Variants in CMC1 observed in about 807,000 individuals in gnomAD.
The protein encoded by CMC1 is COX assembly mitochondrial protein homolog.
A neutral mutation model predicts 14.1 loss-of-function variants in CMC1; 14 were observed. That is an observed-to-expected ratio of 0.99 (90% CI 0.66 to 1.55). The LOEUF (loss-of-function observed/expected upper bound fraction) is 1.55, where lower values mean the gene tolerates loss of function less well. Among genes scored for constraint, CMC1 ranks in the 40% most tolerant of loss-of-function variants. CMC1 has a pLI of 0.00. For missense variants in CMC1, 127 were observed against 123.8 expected, an observed-to-expected ratio of 1.03 and a Z score of -0.12; for synonymous variants, 50 against 38.4, an observed-to-expected ratio of 1.30 and a Z score of -1.12.
At chr3:28,270,123 T>G (rs1006430282) in intron 2 of CMC1, among the ~76,000 whole-genome samples, 2 of 152,202 alleles carry the variant, frequency 1.3e-5, no homozygotes, top group Non-Finnish European at 2.9e-5. Flanking sequence ...TATTCCATGG[T>G]GTATATGTGC....
intron 2 of CMC1, among the ~76,000 whole-genome samples, chr3:28,279,086 C>G (rs953217154): frequency 6.6e-6 from 1 of 152,122 alleles, no homozygotes; most frequent in Non-Finnish European, 1.5e-5. Flanking sequence ...CTACTATAAC[C>G]TATGAACAAA....
intron 2 of CMC1, among the ~76,000 whole-genome samples, chr3:28,275,623 C>T (rs1483491646): frequency 2.0e-5 from 3 of 152,136 alleles, no homozygotes; most frequent in Admixed American, 1.3e-4. Context: ...TTTAACAAAG[C>T]ACTCTGGCTG....
chr3:28,316,591 TGAAA>T (rs1213777165), intron 3 of CMC1, 168 bp downstream of exon 3: 16 of 399,422 alleles, frequency 4.0e-5, no homozygotes, highest in Middle Eastern at 6.2e-4. Context: ...AACATATTTA[TGAAA>T]GAGTCTTTTC....
At chr3:28,287,269 A>T (rs1286672934) in intron 2 of CMC1, among the ~76,000 whole-genome samples, 1 of 152,028 alleles carries the variant, frequency 6.6e-6, no homozygotes, top group Non-Finnish European at 1.5e-5. Context: ...AGCACCTTTG[A>T]CTGGCATCTT....
chr3:28,308,739 C>T (rs1378415645), intron 2 of CMC1, among the ~76,000 whole-genome samples: 1 of 152,128 alleles, frequency 6.6e-6, no homozygotes, highest in Non-Finnish European at 1.5e-5. Context: ...AATCCCAGCA[C>T]TTTGGGAGGC....
intron 1 of CMC1, among the ~76,000 whole-genome samples, chr3:28,244,952 G>GT (rs397973045): frequency 0.25 from 35,179 of 139,668 alleles, 4,331 homozygotes; most frequent in Middle Eastern, 0.33. Flanking sequence ...ATGGAAGCCA[G>GT]TTTTTTTTTT....
intron 1 of CMC1, among the ~76,000 whole-genome samples, chr3:28,253,098 T>C (rs1322105270): frequency 6.6e-6 from 1 of 152,202 alleles, no homozygotes; most frequent in African/African-American, 2.4e-5. Context: ...ATGAACAAAC[T>C]GGCAAGAGGA....
chr3:28,319,419 C>A, intron 3 of CMC1, 90 bp from the exon 4 acceptor site: 2 of 1,139,694 alleles, frequency 1.8e-6, no homozygotes, highest in Non-Finnish European at 2.6e-6. Flanking sequence ...CCTGATGAAC[C>A]AGATGTCTGA....
chr3:28,267,022 G>A (rs1700037225), intron 2 of CMC1, among the ~76,000 whole-genome samples: 1 of 152,120 alleles, frequency 6.6e-6, no homozygotes, highest in Non-Finnish European at 1.5e-5. Flanking sequence ...CCCACCAACT[G>A]TAATGATGAA....
chr3:28,267,549 T>G (rs1283522668), intron 2 of CMC1, among the ~76,000 whole-genome samples: 1 of 152,182 alleles, frequency 6.6e-6, no homozygotes, highest in Non-Finnish European at 1.5e-5. Flanking sequence ...TATGTTGCAG[T>G]CTTTATGATC....
chr3:28,258,247 A>C (rs984119818), intron 1 of CMC1, among the ~76,000 whole-genome samples: 2 of 151,262 alleles, frequency 1.3e-5, no homozygotes, highest in African/African-American at 4.8e-5. Context: ...GGTCTGTGGC[A>C]TGCCTTTTTA....
chr3:28,250,547 C>G (rs984591010), intron 1 of CMC1, among the ~76,000 whole-genome samples: 1 of 152,140 alleles, frequency 6.6e-6, no homozygotes, highest in Admixed American at 6.5e-5. Flanking sequence ...ATCCACCACC[C>G]TTTTCTTCTT....
At chr3:28,245,618 G>C (rs1390700822) in intron 1 of CMC1, among the ~76,000 whole-genome samples, 1 of 152,154 alleles carries the variant, frequency 6.6e-6, no homozygotes, top group African/African-American at 2.4e-5. Context: ...CTTAATAAAA[G>C]GAGGAAGATG....
intron 1 of CMC1, chr3:28,253,773 T>G: frequency 7.9e-7 from 1 of 1,270,024 alleles, no homozygotes; most frequent in South Asian, 1.2e-5. Context: ...CAAGTAAGTG[T>G]TAACTAGTAA....
chr3:28,258,908 C>A (rs989761784), intron 1 of CMC1, among the ~76,000 whole-genome samples: 5 of 152,110 alleles, frequency 3.3e-5, no homozygotes, highest in Admixed American at 6.5e-5. Flanking sequence ...CAGGCGTGAG[C>A]CACTGTGCCT....
intron 2 of CMC1, among the ~76,000 whole-genome samples, chr3:28,301,322 C>T (rs549922481): frequency 5.5e-4 from 84 of 152,172 alleles, no homozygotes; most frequent in African/African-American, 1.9e-3. Flanking sequence ...TGGGCTCAAG[C>T]GATCCTCCCA....
Position 28,324,155 on chromosome 3 carries a change from T to G in CMC1, c.*4526T>G, listed in dbSNP as rs1703291525. The G allele has an allele frequency of 6.2e-7, 1 of 1,610,748 alleles. No homozygotes were observed. The highest frequency in any genetic ancestry group is 8.5e-7 in the Non-Finnish European group (1 of 1,177,658). The stretch of plus-strand genomic sequence containing the variant: ...TCCCCAAATGCTGTCTCACTTGATT[T>G]AGGAGGACTTGGAAATACCCAGGAA... On this transcript the variant is annotated 3_prime_UTR_variant, in exon 4 of 4. Coordinates refer to ENST00000466830, the MANE Select transcript of CMC1 (RefSeq NM_182523.2).
Position 28,241,829 on chromosome 3 carries a change from C to CG in CMC1, c.19+21dup. 1 of 1,237,626 alleles carries CG rather than the reference C, an allele frequency of 8.1e-7. No homozygotes were observed. Among genetic ancestry groups the CG allele is most frequent in the Non-Finnish European group, 1.0e-6 (1 of 988,050 alleles). 76.7% of individuals were successfully genotyped at this position (1,237,626 alleles called of 1,614,324 possible). ...ACCCCGCAGGTACCGGGGCGGGAAG[C>CG]GGGGTTTGCCGAGGGGCCTCGCCCC... On this transcript the variant is annotated intron_variant, in intron 1 of 3. Coordinates refer to ENST00000466830, the MANE Select transcript of CMC1 (RefSeq NM_182523.2).
At chr3:28,253,232 A>G (rs1699222141) in intron 1 of CMC1, among the ~76,000 whole-genome samples, 1 of 152,154 alleles carries the variant, frequency 6.6e-6, no homozygotes, top group Non-Finnish European at 1.5e-5. Context: ...TGTATTGTAT[A>G]TCATGCCTTC....
Sources: allele counts gnomAD v4.1 joint callset (sites outside exome capture counted in the v4.1 genomes callset), GRCh38; gene constraint gnomAD v4.1.1; transcripts MANE v1.5; gene names NCBI Gene and HGNC (gene_info 2026-07-23, HGNC 2026-07-21).